NRCAM: variants seen among roughly 807,000 people sequenced by gnomAD.
NRCAM encodes the protein NgCAM-related cell adhesion molecule.
Under a neutral mutation model 156.5 loss-of-function variants are expected in NRCAM, and 83 were observed. That is an observed-to-expected ratio of 0.53 (90% confidence interval 0.44 to 0.64). The LOEUF is 0.64. Ranked by LOEUF, NRCAM falls within the 30% of genes least tolerant of loss-of-function variation. The pLI, the probability that NRCAM is intolerant of heterozygous loss-of-function variation, is 0.00. For synonymous variants in NRCAM, 538 were observed against 563.9 expected, an observed-to-expected ratio of 0.95 and a Z score of 0.65; for missense variants, 1,417 against 1,597.3, an observed-to-expected ratio of 0.89 and a Z score of 1.92.
At chr7:108,380,195 C>T (rs1447042496) in intron 2 of NRCAM, among the ~76,000 whole-genome samples, 1 of 152,146 alleles carries the variant, frequency 6.6e-6, no homozygotes, top group African/African-American at 2.4e-5. Context: ...AAAACAATCA[C>T]ATTGAATAAA....
chr7:108,264,318 T>A (rs185502988), intron 3 of NRCAM, among the ~76,000 whole-genome samples: 1 of 152,322 alleles, frequency 6.6e-6, no homozygotes, highest in Non-Finnish European at 1.5e-5. Context: ...CTCTTTTCAT[T>A]TATCTAGGAA....
At chr7:108,273,708 T>G (rs568765667) in intron 3 of NRCAM, among the ~76,000 whole-genome samples, 26 of 152,354 alleles carry the variant, frequency 1.7e-4, no homozygotes, top group Non-Finnish European at 3.2e-4. Flanking sequence ...TTCACTCTGA[T>G]GATAGTTTCT....
intron 2 of NRCAM, among the ~76,000 whole-genome samples, chr7:108,396,009 C>T (rs1219340131): frequency 6.6e-6 from 1 of 152,194 alleles, no homozygotes; most frequent in Non-Finnish European, 1.5e-5. Context: ...ATACACACGG[C>T]AAACACTTAG....
intron 8 of NRCAM, among the ~76,000 whole-genome samples, chr7:108,230,012 C>T (rs1177238690): frequency 6.6e-6 from 1 of 152,098 alleles, no homozygotes; most frequent in Non-Finnish European, 1.5e-5. Flanking sequence ...ATGAAATAAC[C>T]CATGTTAAGC....
Position 108,159,560 on chromosome 7 carries a change from GTAT to G in NRCAM, c.3599-22_3599-20del, listed in dbSNP as rs1437589803. 1.3e-5 allele frequency: 21 copies of G among 1,585,338 alleles called. No individual in the cohort carries two copies. The East Asian group carries it at 3.4e-4, about 25-fold the overall frequency. Reference sequence around the variant, plus strand: ...TCTTTAACTAAAAAATGCCAAAATGGTATTATTATCTGTTGATCCTGTTCTTTC... The same window carrying G: ...TCTTTAACTAAAAAATGCCAAAATGGTATTATCTGTTGATCCTGTTCTTTC... On this transcript the variant is annotated intron_variant, in intron 31 of 32. Coordinates refer to ENST00000379028, the MANE Select transcript of NRCAM (RefSeq NM_001037132.4).
chr7:108,450,906 A>AT (rs1440804603), intron 1 of NRCAM, among the ~76,000 whole-genome samples: 1 of 152,218 alleles, frequency 6.6e-6, no homozygotes, highest in Non-Finnish European at 1.5e-5. Context: ...GAATATATAG[A>AT]TATTAATTTA....
At position 108,314,304 on chromosome 7, in the gene NRCAM, A is replaced by G. The variant is rs79351063; in HGVS notation, c.-173-1573T>C. On this transcript the variant is annotated intron_variant, in intron 2 of 32. Transcript: ENST00000379028. ...TTACATTCATTACTCTTGTTTTGAC[A>G]AATGTGTCAATGGCCTTTCATTACC... is the stretch of plus-strand genomic sequence containing the variant. 9.9e-3 allele frequency among the ~76,000 whole-genome samples: 1,515 copies of G among 152,318 alleles called. 33 individuals are homozygous for G. The highest frequency in any genetic ancestry group is 0.035 in the African/African-American group (1,435 of 41,564).
chr7:108,181,255 C>A (rs1343801654), intron 24 of NRCAM, among the ~76,000 whole-genome samples: 1 of 150,628 alleles, frequency 6.6e-6, no homozygotes, highest in Admixed American at 6.6e-5. Flanking sequence ...TCAGGCTTAA[C>A]AAATCAAAGT....
chr7:108,177,913 G>T (rs2061561911), intron 26 of NRCAM, 77 bp downstream of exon 26: 1 of 1,341,216 alleles, frequency 7.5e-7, no homozygotes, highest in Non-Finnish European at 1.0e-6. Context: ...CCATGAGGAG[G>T]TATAATTATT....
At chr7:108,284,484 T>A (rs971811210) in intron 3 of NRCAM, among the ~76,000 whole-genome samples, 2 of 152,176 alleles carry the variant, frequency 1.3e-5, no homozygotes, top group African/African-American at 2.4e-5. Context: ...CTTAATCACA[T>A]GACTCCTCTG....
intron 2 of NRCAM, among the ~76,000 whole-genome samples, chr7:108,330,275 C>T (rs1364478908): frequency 1.3e-5 from 2 of 152,122 alleles, no homozygotes; most frequent in Non-Finnish European, 1.5e-5. Context: ...GGCTCACACA[C>T]CAACTTGAAA....
intron 2 of NRCAM, among the ~76,000 whole-genome samples, chr7:108,381,999 T>C (rs1448223375): frequency 6.6e-6 from 1 of 152,140 alleles, no homozygotes; most frequent in East Asian, 1.9e-4. Context: ...AATCAATAAA[T>C]AGACTTCACA....
intron 2 of NRCAM, among the ~76,000 whole-genome samples, chr7:108,369,354 A>C (rs576760777): frequency 3.8e-4 from 58 of 152,236 alleles, no homozygotes; most frequent in African/African-American, 1.4e-3. Context: ...ATATAGAATA[A>C]ATTACTGATA....
chr7:108,262,135 GT>G (rs2096910019), intron 3 of NRCAM, among the ~76,000 whole-genome samples: 2 of 152,144 alleles, frequency 1.3e-5, no homozygotes, highest in South Asian at 4.2e-4. Context: ...ACTAAGGCTT[GT>G]GCATAAGTAG....
rs10215098 is a variant in NRCAM, at chr7:108,262,642, A to C, written c.-106-22472T>G. On this transcript the variant is annotated intron_variant, in intron 3 of 32. Transcript: ENST00000379028. ...TACTCCTTGAAGATCTATAGGACAC[A>C]CTTTACATAAGGCATGACCTGTAGA... is the stretch of plus-strand genomic sequence containing the variant. 6.3e-3 allele frequency among the ~76,000 whole-genome samples: 958 copies of C among 152,296 alleles called. 11 individuals carry two copies. Among genetic ancestry groups the C allele is most frequent in the African/African-American group, 0.022 (908 of 41,560 alleles).
At chr7:108,212,838 G>A (rs922640138) in intron 11 of NRCAM, among the ~76,000 whole-genome samples, 6 of 152,118 alleles carry the variant, frequency 3.9e-5, no homozygotes, top group Non-Finnish European at 7.4e-5. Flanking sequence ...AGGAATAATC[G>A]AGGAAAACTT....
At chr7:108,447,922 C>A (rs1004017097) in intron 1 of NRCAM, among the ~76,000 whole-genome samples, 1 of 152,132 alleles carries the variant, frequency 6.6e-6, no homozygotes, top group South Asian at 2.1e-4. Context: ...AACTTTTATT[C>A]TTTTCCCTTT....
rs1381252456 is a variant in NRCAM at position 108,182,918 on chromosome 7, G to A, written c.2307C>T (p.Pro769=). The change falls in exon 23 of 33, where the codon CCC becomes CCT. Residue 769 remains proline, a splice_region_variant and synonymous_variant. Transcript: ENST00000379028. ...EPDNLVITWK[P]LNGFESNGPG... is the part of the protein sequence containing the mutation. ...GCCCATTAGATTCGAAACCATTCAA[G>A]GGCTACAAGGAAAGCCAAATAACCA... The A allele has an allele frequency of 1.5e-5, 25 of 1,613,648 alleles. No homozygotes were observed. The highest frequency in any genetic ancestry group is 2.1e-5 in the Non-Finnish European group (25 of 1,179,710).
intron 1 of NRCAM, among the ~76,000 whole-genome samples, chr7:108,433,874 G>A (rs2395999): frequency 0.9 from 137,078 of 152,264 alleles, 62,142 homozygotes; most frequent in East Asian, 1. Context: ...AAATGGACTA[G>A]AACATCATGT....
Sources: gnomAD v4.1 joint callset for allele counts (sites outside exome capture counted in the v4.1 genomes callset) on GRCh38, gnomAD v4.1.1 for gene constraint, MANE v1.5 for transcripts, NCBI Gene and HGNC (gene_info 2026-07-23, HGNC 2026-07-21) for gene names.